The following ZC3H13 variants were observed in gnomAD, a reference collection of about 807,000 sequenced individuals.
ZC3H13 encodes zinc finger CCCH domain-containing protein 13.
A neutral mutation model predicts 204.1 loss-of-function variants in ZC3H13; 64 were observed. That is an observed-to-expected ratio of 0.31 (90% CI 0.26 to 0.39). The LOEUF is 0.39. Ranked by LOEUF, ZC3H13 falls within the 10% of genes least tolerant of loss-of-function variation. ZC3H13 has a pLI of 1.00. For synonymous variants in ZC3H13, 667 were observed against 693.7 expected, an observed-to-expected ratio of 0.96 and a Z score of 0.60; for missense variants, 1,833 against 2,082.7, an observed-to-expected ratio of 0.88 and a Z score of 2.33.
intron 18 of ZC3H13, among the ~76,000 whole-genome samples, chr13:45,959,205 A>C (rs1370441240): frequency 6.6e-6 from 1 of 152,152 alleles, no homozygotes; most frequent in Non-Finnish European, 1.5e-5. Flanking sequence ...AATTTAAATA[A>C]ATTTTTGTAA....
At chr13:46,030,951 T>C (rs2042861048) in intron 4 of ZC3H13, among the ~76,000 whole-genome samples, 1 of 152,196 alleles carries the variant, frequency 6.6e-6, no homozygotes, top group Non-Finnish European at 1.5e-5. Flanking sequence ...ATACTCATTC[T>C]ATATGGAGAA....
In ZC3H13 at chr13:45,955,414, A is replaced by G. The variant is rs985867353; in HGVS notation, c.*1713T>C. The stretch of plus-strand genomic sequence containing the variant: ...CTTTTGCAACATACATAACAAAAAG[A>G]TTTCAAACTGAAAGACAACAGGTTT... On this transcript the variant is annotated 3_prime_UTR_variant, in exon 19 of 19. Coordinates refer to ENST00000679008, the MANE Select transcript of ZC3H13 (RefSeq NM_001330564.2). The G allele has an allele frequency of 6.6e-6, 1 of 152,200 alleles. No homozygotes were observed. The highest frequency in any genetic ancestry group is 1.5e-5 in the Non-Finnish European group (1 of 68,032). The allele number at this position is 152,200 out of a possible 1,614,324, so 9.4% of individuals were successfully genotyped here.
At chr13:46,045,326 A>G in intron 2 of ZC3H13, 65 bp downstream of exon 2, 1 of 1,360,766 alleles carries the variant, frequency 7.3e-7, no homozygotes, top group Non-Finnish European at 1.0e-6. Context: ...CCTTTATGAT[A>G]CAAATAAGCA....
chr13:46,011,378 TTAAG>T, intron 6 of ZC3H13, 33 bp downstream of exon 6: 2 of 1,559,368 alleles, frequency 1.3e-6, no homozygotes, highest in Non-Finnish European at 1.7e-6. Context: ...AATGCTGCTA[TTAAG>T]TACTAACATA....
At chr13:46,010,241 C>A in intron 7 of ZC3H13, 107 bp downstream of exon 7, 1 of 1,135,822 alleles carries the variant, frequency 8.8e-7, no homozygotes, top group Non-Finnish European at 1.2e-6. Context: ...AAAAAGCTTA[C>A]ATTAAATATA....
At chr13:46,026,168 A>C (rs972360630) in intron 4 of ZC3H13, among the ~76,000 whole-genome samples, 1 of 152,140 alleles carries the variant, frequency 6.6e-6, no homozygotes, top group African/African-American at 2.4e-5. Flanking sequence ...GAATCTTTTT[A>C]TGAAGTGCTC....
intron 11 of ZC3H13, among the ~76,000 whole-genome samples, chr13:45,976,790 T>G (rs1207064083): frequency 1.3e-5 from 2 of 152,210 alleles, no homozygotes; most frequent in Non-Finnish European, 2.9e-5. Context: ...TGTTTCCATT[T>G]ACATACTATA....
At position 45,975,570 on chromosome 13, in the gene ZC3H13, C is replaced by T. The variant is rs1423283602; in HGVS notation, c.2181G>A (p.Arg727=). ...REREKERDRE[R]DRDRDHDRER... is the part of the protein sequence containing the mutation. ...CTCGATCGTGGTCTCGGTCTCTATC[C>T]CTTTCACGATCTCTCTCTTTTTCTC... is the stretch of plus-strand genomic sequence containing the variant. The change falls in exon 12 of 19, where the codon AGG becomes AGA. Residue 727 remains arginine, a synonymous_variant. Coordinates refer to ENST00000679008, the MANE Select transcript of ZC3H13 (RefSeq NM_001330564.2). The T allele has an allele frequency of 3.8e-6, 6 of 1,575,264 alleles. No homozygotes were observed. Among genetic ancestry groups the T allele is most frequent in the Non-Finnish European group, 5.2e-6 (6 of 1,160,548 alleles).
At chr13:46,007,313 C>A (rs2041225395) in intron 7 of ZC3H13, among the ~76,000 whole-genome samples, 1 of 152,160 alleles carries the variant, frequency 6.6e-6, no homozygotes, top group South Asian at 2.1e-4. Flanking sequence ...TCTCATATGC[C>A]AGGCAATTGT....
chr13:45,981,203 A>G (rs1234077553), intron 10 of ZC3H13, among the ~76,000 whole-genome samples: 1 of 152,232 alleles, frequency 6.6e-6, no homozygotes, highest in African/African-American at 2.4e-5. Context: ...CCTGCCCTCA[A>G]CCTCATAGAA....
At position 45,965,332 on chromosome 13, in the gene ZC3H13, C is replaced by G. The variant is rs1327717022; in HGVS notation, c.4422G>C (p.Leu1474=). 6.2e-7 allele frequency: 1 copy of G among 1,613,700 alleles called. No homozygotes were observed. The highest frequency in any genetic ancestry group is 8.5e-7 in the Non-Finnish European group (1 of 1,179,764). ...CCTCCCTCTTTTCTGCATCACCTGCCAGAATTTCATCTAGTTCGTCATCAC... is the reference window on the plus strand; with the variant it reads ...CCTCCCTCTTTTCTGCATCACCTGCGAGAATTTCATCTAGTTCGTCATCAC... ...PISDDELDEI[L]AGDAEKREDQ... is the part of the protein sequence containing the mutation. The change falls in exon 16 of 19, where the codon CTG becomes CTC. Residue 1474 remains leucine, a synonymous_variant. Coordinates refer to ENST00000679008, the MANE Select transcript of ZC3H13 (RefSeq NM_001330564.2).
At chr13:46,035,516 C>T (rs965280178) in intron 4 of ZC3H13, among the ~76,000 whole-genome samples, 2 of 152,084 alleles carry the variant, frequency 1.3e-5, no homozygotes, top group African/African-American at 4.8e-5. Flanking sequence ...TAATTATCTC[C>T]GTACTACATA....
At chr13:46,035,388 T>C (rs1409272671) in intron 4 of ZC3H13, among the ~76,000 whole-genome samples, 1 of 152,206 alleles carries the variant, frequency 6.6e-6, no homozygotes, top group African/African-American at 2.4e-5. Flanking sequence ...CATCAAGGAA[T>C]AGCAACTGGA....
intron 4 of ZC3H13, among the ~76,000 whole-genome samples, chr13:46,032,509 CAA>C (rs2139007298): frequency 6.6e-6 from 1 of 152,014 alleles, no homozygotes; most frequent in East Asian, 1.9e-4. Context: ...GGCAAAAAGA[CAA>C]GTTTGAAAAC....
intron 17 of ZC3H13, 136 bp downstream of exon 17, chr13:45,963,706 A>C: frequency 6.7e-7 from 1 of 1,494,804 alleles, no homozygotes; most frequent in Non-Finnish European, 8.9e-7. Flanking sequence ...AGGGTTAAAT[A>C]ATGATTATAA....
At chr13:46,001,901 C>T (rs2040772226) in intron 8 of ZC3H13, among the ~76,000 whole-genome samples, 1 of 150,998 alleles carries the variant, frequency 6.6e-6, no homozygotes, top group African/African-American at 2.4e-5. Flanking sequence ...ACTCTGAAGT[C>T]TTCAGTTAAC....
chr13:46,042,423 G>A (rs537161246), intron 3 of ZC3H13, 148 bp from the exon 4 acceptor site: 1 of 511,380 alleles, frequency 2.0e-6, no homozygotes, highest in Non-Finnish European at 3.3e-6. Context: ...CTTGACTCCT[G>A]AATTTCTGAA....
At chr13:46,043,988 T>C (rs2043766924) in intron 3 of ZC3H13, among the ~76,000 whole-genome samples, 1 of 151,938 alleles carries the variant, frequency 6.6e-6, no homozygotes, top group Non-Finnish European at 1.5e-5. Flanking sequence ...AACACTAATC[T>C]TCCCACATTA....
At chr13:45,974,005 T>C (rs1230505920) in intron 12 of ZC3H13, among the ~76,000 whole-genome samples, 2 of 152,130 alleles carry the variant, frequency 1.3e-5, no homozygotes, top group African/African-American at 4.8e-5. Flanking sequence ...TAATCCACAA[T>C]AGTGAGGATG....
Sources: allele counts gnomAD v4.1 joint callset (sites outside exome capture counted in the v4.1 genomes callset), GRCh38; gene constraint gnomAD v4.1.1; transcripts MANE v1.5; gene names NCBI Gene and HGNC (gene_info 2026-07-23, HGNC 2026-07-21).